The following PXDN variants were observed in gnomAD, a reference collection of about 807,000 sequenced individuals.
PXDN encodes the protein peroxidasin homolog.
Under a neutral mutation model 140.3 loss-of-function variants are expected in PXDN, and 77 were observed. The ratio of observed to expected loss-of-function variants is 0.55; its 90% CI spans 0.46 to 0.66. PXDN has a LOEUF of 0.66. Ranked by LOEUF, PXDN falls within the 30% of genes least tolerant of loss-of-function variation. PXDN has a pLI of 0.00. For missense variants in PXDN, 1,838 were observed against 2,039.5 expected, an observed-to-expected ratio of 0.90 and a Z score of 1.90; for synonymous variants, 911 against 857.4, an observed-to-expected ratio of 1.06 and a Z score of -1.09.
rs771632863 is a variant in PXDN, at chr2:1,649,179, G to A, written c.2601C>T (p.Ser867=). 1 of 1,607,778 alleles carries A rather than the reference G, an allele frequency of 6.2e-7. No homozygotes were observed. Among genetic ancestry groups the A allele is most frequent in the South Asian group, 1.1e-5 (1 of 90,878 alleles). The change falls in exon 17 of 23, where the codon TCC becomes TCT. Residue 867 remains serine (S), a synonymous_variant. Coordinates refer to ENST00000252804, the MANE Select transcript of PXDN (RefSeq NM_012293.3). The surrounding 1 kb of genome is among the most constrained non-coding windows in gnomAD (Gnocchi z 7.1). ...CFSVMIPPND[S]RARSGARCMF... ...TGCAGCGGGCCCCGCTCCTGGCCCG[G>A]GAGTCATTGGGGGGGATCATGACAG... is the stretch of plus-strand genomic sequence containing the variant.
Position 1,744,502 on chromosome 2 carries a change from C to G in PXDN, c.-47G>C. 7.5e-7 allele frequency: 1 copy of G among 1,330,796 alleles called. No homozygotes were observed. Among genetic ancestry groups the G allele is most frequent in the South Asian group, 2.0e-5 (1 of 49,944 alleles). The allele number at this position is 1,330,796 out of a possible 1,614,324, so 82.4% of individuals were successfully genotyped here. On this transcript the variant is annotated 5_prime_UTR_variant, in exon 1 of 23. Transcript: ENST00000252804. ...CTCGGACGCACGGAGCCACCACGGC[C>G]GGCTCCCGACTGCGCCCGCCCGGCC...
At chr2:1,730,822 G>A (rs1025226695) in intron 1 of PXDN, among the ~76,000 whole-genome samples, 1 of 152,042 alleles carries the variant, frequency 6.6e-6, no homozygotes, top group Non-Finnish European at 1.5e-5. Context: ...AAGCAATCCG[G>A]CTGTGACCTA....
At chr2:1,672,201 C>T (rs1180952940) in intron 9 of PXDN, 1 of 152,146 alleles carries the variant, frequency 6.6e-6, no homozygotes, top group Admixed American at 6.5e-5. Context: ...CACCCACATG[C>T]TCAGACTAGT....
At chr2:1,731,875 CAA>C (rs1685321359) in intron 1 of PXDN, among the ~76,000 whole-genome samples, 1 of 152,156 alleles carries the variant, frequency 6.6e-6, no homozygotes, top group African/African-American at 2.4e-5. Context: ...CTGACTAAGG[CAA>C]CAGCATTCCA....
At chr2:1,727,734 C>A (rs1024580974) in intron 1 of PXDN, among the ~76,000 whole-genome samples, 114 of 152,352 alleles carry the variant, frequency 7.5e-4, no homozygotes, top group African/African-American at 2.5e-3. Flanking sequence ...CAGCTGAGTT[C>A]ATCTCCATCC....
intron 19 of PXDN, among the ~76,000 whole-genome samples, chr2:1,641,136 G>A (rs1343783136): frequency 2.6e-5 from 4 of 152,182 alleles, no homozygotes; most frequent in East Asian, 1.9e-4. Flanking sequence ...AAGGACGTTC[G>A]CTTTAAATGT....
At chr2:1,722,286 G>A (rs1037601380) in intron 1 of PXDN, among the ~76,000 whole-genome samples, 3 of 152,156 alleles carry the variant, frequency 2.0e-5, no homozygotes, top group South Asian at 2.1e-4. Flanking sequence ...CAGCATGGCC[G>A]TTCCCTCACC....
Position 1,665,015 on chromosome 2 carries a change from C to A in PXDN, c.1351G>T (p.Asp451Tyr). The A allele has an allele frequency of 6.2e-7, 1 of 1,613,010 alleles. No homozygotes were observed. Among genetic ancestry groups the A allele is most frequent in the Non-Finnish European group, 8.5e-7 (1 of 1,179,532 alleles). Residue 451 changes from aspartate to tyrosine, a missense_variant, in exon 11 of 23, where the codon GAT (aspartate) becomes TAT (tyrosine). This residue lies in a region of PXDN where 537 missense variants were observed against 583.9 expected (regional missense o/e 0.92). Coordinates refer to ENST00000252804, the MANE Select transcript of PXDN (RefSeq NM_012293.3). ...TTGCCCTTGGCTTCACACTGGAAAT[C>A]CACGGTCTGGCCCTCAATAACGACT... ...DRVVIEGQTV[D>Y]FQCEAKGNPP...
At position 1,687,596 on chromosome 2, in the gene PXDN, T is replaced by C; in HGVS notation, c.416+36A>G. On this transcript the variant is annotated intron_variant, in intron 4 of 22. Coordinates refer to ENST00000252804, the MANE Select transcript of PXDN (RefSeq NM_012293.3). This position sits in a 1 kb window ranked among gnomAD's most constrained non-coding sequence, Gnocchi z 4.0. Reference sequence around the variant, plus strand: ...ACAAGAGGAAAACAGCCAGACGGCATCCAAGAACTAAAGCACGAAGAGAAG... The same window carrying C: ...ACAAGAGGAAAACAGCCAGACGGCACCCAAGAACTAAAGCACGAAGAGAAG... The C allele has an allele frequency of 1.4e-6, 2 of 1,441,156 alleles. No homozygotes were observed. Among genetic ancestry groups the C allele is most frequent in the African/African-American group, 2.8e-5 (2 of 71,614 alleles). 89.3% of individuals were successfully genotyped at this position (1,441,156 alleles called of 1,614,324 possible). A position where few individuals can be genotyped will look rare whatever the true frequency, so the allele number is the denominator to read the frequency against.
At chr2:1,725,178 G>T (rs926637754) in intron 1 of PXDN, among the ~76,000 whole-genome samples, 6 of 152,154 alleles carry the variant, frequency 3.9e-5, no homozygotes, top group African/African-American at 1.2e-4. Flanking sequence ...TTGGTTTAAA[G>T]AAATGCTACT....
At chr2:1,658,723 C>T (rs923287330) in intron 14 of PXDN, among the ~76,000 whole-genome samples, 3 of 151,840 alleles carry the variant, frequency 2.0e-5, no homozygotes, top group African/African-American at 7.3e-5. Flanking sequence ...AGCACCAGGA[C>T]CCCCAGGACT....
chr2:1,743,669 AGGAGGAGGAGGAAGG>A (rs1685604979), intron 1 of PXDN, among the ~76,000 whole-genome samples: 3 of 76,342 alleles, frequency 3.9e-5, no homozygotes, highest in Admixed American at 2.6e-4. Context: ...AGGGGAAGGG[AGGAGGAGGAGGAAGG>A]GGAGGAGGAG....
intron 1 of PXDN, among the ~76,000 whole-genome samples, chr2:1,731,242 A>G (rs1685308413): frequency 6.6e-6 from 1 of 151,990 alleles, no homozygotes; most frequent in Admixed American, 6.6e-5. Context: ...AAACTTTGGG[A>G]CAGCTATGGC....
intron 1 of PXDN, among the ~76,000 whole-genome samples, chr2:1,698,987 C>G (rs1422399520): frequency 6.6e-6 from 1 of 151,868 alleles, no homozygotes; most frequent in Non-Finnish European, 1.5e-5. Flanking sequence ...GTAATGTTTC[C>G]ATTATTCTCA....
chr2:1,683,570 C>G lies in PXDN; in HGVS notation c.560+86G>C, dbSNP rs1229188594. 3 of 619,488 alleles carry G rather than the reference C, an allele frequency of 4.8e-6. No homozygotes were observed. In the African/African-American group the frequency reaches 8.0e-5, roughly 16 times the overall value. The allele number at this position is 619,488 out of a possible 1,614,324, so 38.4% of individuals were successfully genotyped here. A position where few individuals can be genotyped will look rare whatever the true frequency, so the allele number is the denominator to read the frequency against. The stretch of plus-strand genomic sequence containing the variant: ...GAATCAGATTGTTATCAACATTTCA[C>G]AATACTTGAAAAAGAACCAGGTGAA... On this transcript the variant is annotated intron_variant, in intron 6 of 22. Coordinates refer to ENST00000252804, the MANE Select transcript of PXDN (RefSeq NM_012293.3).
Position 1,684,072 on chromosome 2 carries a change from C to A in PXDN, c.488+8G>T, listed in dbSNP as rs142878073. On this transcript the variant is annotated splice_region_variant and intron_variant, in intron 5 of 22. Coordinates refer to ENST00000252804, the MANE Select transcript of PXDN (RefSeq NM_012293.3). Reference sequence around the variant, plus strand: ...GAATGGAAAGGCAAGGAACAACACACAACTCACAGCCTCTCGAGCTTCGGG... The same window carrying A: ...GAATGGAAAGGCAAGGAACAACACAAAACTCACAGCCTCTCGAGCTTCGGG... 1 of 1,571,828 alleles carries A rather than the reference C, an allele frequency of 6.4e-7. No individual in the cohort carries two copies. The highest frequency in any genetic ancestry group is 1.8e-5 in the Admixed American group (1 of 54,218).
chr2:1,644,765 G>A lies in PXDN; in HGVS notation c.3609-13C>T, dbSNP rs1353987571. ...CGAGCCATACAACCTAAAAAATAAA[G>A]AGAAAACTGAAATCTACCTAACAAA... On this transcript the variant is annotated splice_polypyrimidine_tract_variant and intron_variant, in intron 17 of 22. Coordinates refer to ENST00000252804, the MANE Select transcript of PXDN (RefSeq NM_012293.3). 3 of 1,492,496 alleles carry A rather than the reference G, an allele frequency of 2.0e-6. No individual in the cohort carries two copies. The highest frequency in any genetic ancestry group is 2.2e-5 in the Admixed American group (1 of 46,254). The allele number at this position is 1,492,496 out of a possible 1,614,324, so 92.5% of individuals were successfully genotyped here.
intron 13 of PXDN, 74 bp from the exon 14 acceptor site, chr2:1,661,111 G>A: frequency 3.2e-6 from 5 of 1,549,452 alleles, no homozygotes; most frequent in Non-Finnish European, 2.6e-6. Flanking sequence ...TAGGGTTGGG[G>A]GAGGGGAGCC....
intron 6 of PXDN, 69 bp downstream of exon 6, chr2:1,683,587 C>G (rs918363272): frequency 2.3e-6 from 2 of 855,686 alleles, no homozygotes; most frequent in Non-Finnish European, 3.2e-6. Context: ...TGAAAAAGAA[C>G]CAGGTGAATA....
Sources: allele counts gnomAD v4.1 joint callset (sites outside exome capture counted in the v4.1 genomes callset), GRCh38; gene constraint gnomAD v4.1.1; regional missense constraint gnomAD v4.1.1; non-coding constraint Gnocchi (gnomAD v3.1); transcripts MANE v1.5; gene names NCBI Gene and HGNC (gene_info 2026-07-23, HGNC 2026-07-21).